Variants in FLT1 observed in about 807,000 individuals in gnomAD.
The protein encoded by FLT1 is fms related receptor tyrosine kinase 1.
Under a neutral mutation model 156.3 loss-of-function variants are expected in FLT1, and 49 were observed. The ratio of observed to expected loss-of-function variants is 0.31; its 90% CI spans 0.25 to 0.40. The LOEUF (loss-of-function observed/expected upper bound fraction) is 0.40, where lower values mean the gene tolerates loss of function less well. Ranked by LOEUF, FLT1 falls within the 10% of genes least tolerant of loss-of-function variation. FLT1 has a pLI of 1.00. For synonymous variants in FLT1, 594 were observed against 583.8 expected, an observed-to-expected ratio of 1.02 and a Z score of -0.25; for missense variants, 1,322 against 1,637.2, an observed-to-expected ratio of 0.81 and a Z score of 3.32.
intron 13 of FLT1, chr13:28,387,690 C>T: frequency 9.4e-6 from 10 of 1,063,078 alleles, no homozygotes; most frequent in Non-Finnish European, 1.0e-5. Context: ...CCATTTTAGG[C>T]TCCTTTTTTC....
intron 14 of FLT1, among the ~76,000 whole-genome samples, chr13:28,376,779 G>T (rs61763252): frequency 2.0e-5 from 3 of 152,308 alleles, no homozygotes; most frequent in African/African-American, 7.2e-5. Flanking sequence ...AGAGGGTAAG[G>T]TAGAAAGGAG....
At chr13:28,436,079 C>T (rs1878007097) in intron 4 of FLT1, among the ~76,000 whole-genome samples, 1 of 152,238 alleles carries the variant, frequency 6.6e-6, no homozygotes, top group Non-Finnish European at 1.5e-5. Context: ...CTCTTACTCT[C>T]ATCTATCCAT....
rs190471337 is a variant in FLT1, at chr13:28,310,342, C to T, written c.3635+1248G>A. 5.9e-3 allele frequency among the ~76,000 whole-genome samples: 899 copies of T among 152,222 alleles called. 10 individuals are homozygous for T. The highest frequency in any genetic ancestry group is 0.02 in the African/African-American group (819 of 41,540). Reference sequence around the variant, plus strand: ...GCCCTAAAAGGAGTCCTGACTGCATCGGGTACAGGGAGGGAGGGTCAGAAC... The same window carrying T: ...GCCCTAAAAGGAGTCCTGACTGCATTGGGTACAGGGAGGGAGGGTCAGAAC... On this transcript the variant is annotated intron_variant, in intron 27 of 29. Coordinates refer to ENST00000282397, the MANE Select transcript of FLT1 (RefSeq NM_002019.4).
chr13:28,493,836 C>T (rs1881595376), intron 1 of FLT1, among the ~76,000 whole-genome samples: 1 of 152,250 alleles, frequency 6.6e-6, no homozygotes. Context: ...GTCTCCCAAA[C>T]GCCCAGCGAA....
At chr13:28,361,038 G>C (rs564018126) in intron 14 of FLT1, among the ~76,000 whole-genome samples, 2 of 152,208 alleles carry the variant, frequency 1.3e-5, no homozygotes, top group East Asian at 3.9e-4. Flanking sequence ...CAGCACTTGT[G>C]GGAGGCCGAG....
intron 3 of FLT1, among the ~76,000 whole-genome samples, chr13:28,464,839 A>G (rs1879765525): frequency 6.6e-6 from 1 of 152,248 alleles, no homozygotes; most frequent in Non-Finnish European, 1.5e-5. Context: ...ACTATTTATT[A>G]GAAAAAAAGA....
intron 16 of FLT1, among the ~76,000 whole-genome samples, chr13:28,342,990 CT>C (rs1872402483): frequency 6.7e-6 from 1 of 148,270 alleles, no homozygotes; most frequent in Non-Finnish European, 1.5e-5. Flanking sequence ...CTTTTTCTTT[CT>C]TTTTTGAGAC....
At chr13:28,399,864 A>T (rs972773626) in intron 11 of FLT1, among the ~76,000 whole-genome samples, 1 of 152,164 alleles carries the variant, frequency 6.6e-6, no homozygotes, top group Non-Finnish European at 1.5e-5. Flanking sequence ...GCGAACCTTT[A>T]TGTATGCCTT....
intron 10 of FLT1, among the ~76,000 whole-genome samples, chr13:28,407,274 C>G (rs1287554584): frequency 6.6e-6 from 1 of 152,122 alleles, no homozygotes; most frequent in Non-Finnish European, 1.5e-5. Flanking sequence ...ATCAAACACA[C>G]CGATAAGTAG....
At chr13:28,384,448 CA>C (rs79860949) in intron 14 of FLT1, among the ~76,000 whole-genome samples, 6,541 of 60,322 alleles carry the variant, frequency 0.11, 156 homozygotes, top group Admixed American at 0.21. Context: ...GACTCCATCT[CA>C]AAAAAAAAAA....
chr13:28,483,295 C>G (rs1378437380), intron 1 of FLT1, among the ~76,000 whole-genome samples: 1 of 152,162 alleles, frequency 6.6e-6, no homozygotes, highest in Non-Finnish European at 1.5e-5. Context: ...CCCTGCCTCC[C>G]CATCTGTTTA....
At chr13:28,430,399 G>C (rs958135652) in intron 7 of FLT1, among the ~76,000 whole-genome samples, 1 of 152,122 alleles carries the variant, frequency 6.6e-6, no homozygotes, top group African/African-American at 2.4e-5. Flanking sequence ...TAAAACAGTG[G>C]CAGAGCAACA....
rs1166500663 is a variant in FLT1, at chr13:28,431,244, T to C, written c.880A>G (p.Ser294Gly). ...QSNSHANIFYSVLTIDKMQNK... is the reference protein window; with the variant it reads ...QSNSHANIFYGVLTIDKMQNK... ...TGCATTTTGTCAATAGTAAGAACAC[T>C]GTAGAATATGTTGGCATGGGAATTG... The change falls in exon 7 of 30, where the codon AGT becomes GGT. Residue 294 changes from serine (S) to glycine (G), a missense_variant. Ser to Gly is a moderately conservative substitution (Grantham distance 56, BLOSUM62 0). Transcript: ENST00000282397. The C allele has an allele frequency of 3.1e-6, 5 of 1,613,448 alleles. No individual in the cohort carries two copies. The highest frequency in any genetic ancestry group is 2.2e-5 in the East Asian group (1 of 44,882).
rs572905737 is a variant in FLT1, at chr13:28,478,529, C to T, written c.65-10912G>A. ...TGATCAATTCCGTATAGGAGCTTGC[C>T]ATGTAACAGTTTAAGTATAAAAGCG... is the stretch of plus-strand genomic sequence containing the variant. On this transcript the variant is annotated intron_variant, in intron 1 of 29. Coordinates refer to ENST00000282397, the MANE Select transcript of FLT1 (RefSeq NM_002019.4). 5.3e-5 allele frequency among the ~76,000 whole-genome samples: 8 copies of T among 152,264 alleles called. No individual in the cohort carries two copies. The East Asian group carries it at 1.5e-3, about 29-fold the overall frequency.
At chr13:28,345,772 G>A (rs1465888452) in intron 15 of FLT1, 3 of 474,836 alleles carry the variant, frequency 6.3e-6, no homozygotes, top group Non-Finnish European at 7.6e-6. Context: ...CTCACATAAT[G>A]AACTCACATA....
At chr13:28,417,553 T>C (rs944987441) in intron 10 of FLT1, among the ~76,000 whole-genome samples, 2 of 152,166 alleles carry the variant, frequency 1.3e-5, no homozygotes, top group Non-Finnish European at 2.9e-5. Context: ...ATGCATCTAG[T>C]CCCGAGCTTG....
intron 8 of FLT1, among the ~76,000 whole-genome samples, chr13:28,429,085 C>T (rs1257669651): frequency 2.0e-5 from 3 of 152,076 alleles, no homozygotes; most frequent in African/African-American, 7.2e-5. Context: ...CATCAGATTA[C>T]TATTCAATTT....
intron 10 of FLT1, among the ~76,000 whole-genome samples, chr13:28,407,173 C>A (rs1377717637): frequency 6.6e-6 from 1 of 152,092 alleles, no homozygotes; most frequent in Non-Finnish European, 1.5e-5. Flanking sequence ...GCCGTCGGCG[C>A]CCCATAAACA....
At chr13:28,323,532 T>C (rs1871558697) in intron 20 of FLT1, among the ~76,000 whole-genome samples, 1 of 150,868 alleles carries the variant, frequency 6.6e-6, no homozygotes, top group Non-Finnish European at 1.5e-5. Context: ...ATGCCTGTAA[T>C]CCCAGCTACT....
Sources: gnomAD v4.1 joint callset for allele counts (sites outside exome capture counted in the v4.1 genomes callset) on GRCh38, gnomAD v4.1.1 for gene constraint, MANE v1.5 for transcripts, NCBI Gene and HGNC (gene_info 2026-07-23, HGNC 2026-07-21) for gene names.